LRRK2: variants seen among roughly 807,000 people sequenced by gnomAD.
LRRK2 encodes leucine-rich repeat serine/threonine-protein kinase 2.
LRRK2 carries 203 observed loss-of-function variants against 302.6 expected under a neutral mutation model. The observed-to-expected ratio is 0.67, with a 90% confidence interval of 0.60 to 0.75. The LOEUF (loss-of-function observed/expected upper bound fraction) is 0.75. LRRK2 is among the 30% of genes least tolerant of loss of function. The pLI is 0.00. For synonymous variants in LRRK2, 1,066 were observed against 1,031.9 expected (o/e 1.03, Z -0.63); for missense variants, 2,830 against 2,951.0 (o/e 0.96, Z 0.95).
chr12:40,257,808 G>A (rs1205571562), intron 12 of LRRK2, among the ~76,000 whole-genome samples: 1 of 152,222 alleles, frequency 6.6e-6, no homozygotes, highest in East Asian at 1.9e-4. Flanking sequence ...TCCTTAGTTA[G>A]GGAAAATTTT....
At chr12:40,225,854 G>T (rs569380771) in intron 2 of LRRK2, among the ~76,000 whole-genome samples, 1 of 152,148 alleles carries the variant, frequency 6.6e-6, no homozygotes, top group Non-Finnish European at 1.5e-5. Context: ...GTGTCTTTAA[G>T]AAGTAACTTT....
intron 35 of LRRK2, 23 bp from the exon 36 acceptor site, chr12:40,322,012 T>C (rs1439655789): frequency 1.9e-6 from 3 of 1,612,652 alleles, no homozygotes; most frequent in Middle Eastern, 1.7e-4. Context: ...AAGCAGTTAA[T>C]AATTAATGGC....
chr12:40,347,025 CA>C (rs1946208103), intron 42 of LRRK2, 102 bp downstream of exon 42: 2 of 877,516 alleles, frequency 2.3e-6, no homozygotes, highest in Admixed American at 3.9e-5. Context: ...AACAGATGAT[CA>C]TTTTTTTTGT....
At chr12:40,259,393 C>T in intron 12 of LRRK2, 87 bp from the exon 13 acceptor site, 1 of 1,515,954 alleles carries the variant, frequency 6.6e-7, no homozygotes, top group Middle Eastern at 1.7e-4. Context: ...TATATTGGTT[C>T]TGCCCTCCTG....
chr12:40,275,715 A>G (rs868306130), intron 16 of LRRK2, among the ~76,000 whole-genome samples: 3 of 151,394 alleles, frequency 2.0e-5, no homozygotes, highest in Admixed American at 6.6e-5. Context: ...AGCTCAAGTG[A>G]TTCTCTTGCC....
chr12:40,290,687 T>G (rs1356661314), intron 20 of LRRK2, among the ~76,000 whole-genome samples: 1 of 152,134 alleles, frequency 6.6e-6, no homozygotes. Flanking sequence ...TAATGTTACT[T>G]ATAGCAATTA....
intron 3 of LRRK2, chr12:40,232,772 GT>G (rs1300895138): frequency 6.0e-6 from 1 of 166,460 alleles, no homozygotes; most frequent in Non-Finnish European, 1.3e-5. Context: ...TCTGTAAGTA[GT>G]AATTTGAAAG....
At chr12:40,312,300 GAAAAGTATATATTGC>G (rs1435965203) in intron 31 of LRRK2, among the ~76,000 whole-genome samples, 1 of 152,118 alleles carries the variant, frequency 6.6e-6, no homozygotes, top group Non-Finnish European at 1.5e-5. Context: ...ATTATTGAAA[GAAAAGTATATATTGC>G]TAATGGATGC....
intron 4 of LRRK2, 23 bp downstream of exon 4, chr12:40,235,737 G>A (rs1476214845): frequency 7.3e-7 from 1 of 1,375,450 alleles, no homozygotes; most frequent in Non-Finnish European, 1.0e-6. Flanking sequence ...TATGTTTTTT[G>A]TGTTGATTCA....
At position 40,235,622 on chromosome 12, in the gene LRRK2, C is replaced by G; in HGVS notation, c.348-4C>G. The G allele has an allele frequency of 6.3e-7, 1 of 1,585,668 alleles. No homozygotes were observed. The highest frequency in any genetic ancestry group is 8.7e-7 in the Non-Finnish European group (1 of 1,154,372). Reference sequence around the variant, plus strand: ...CTTATCTTGATTTCTGTTTTTAACTCCAGATTGATTCTTAAAATGCTAACA... The same window carrying G: ...CTTATCTTGATTTCTGTTTTTAACTGCAGATTGATTCTTAAAATGCTAACA... On this transcript the variant is annotated splice_polypyrimidine_tract_variant and splice_region_variant and intron_variant, in intron 3 of 50. Transcript: ENST00000298910.
chr12:40,294,520 G>T (rs943558444), intron 21 of LRRK2, among the ~76,000 whole-genome samples: 2 of 151,976 alleles, frequency 1.3e-5, no homozygotes, highest in African/African-American at 4.8e-5. Flanking sequence ...ATGCTCTTTC[G>T]AATTTATATA....
intron 7 of LRRK2, among the ~76,000 whole-genome samples, chr12:40,247,669 TAAA>T (rs1942063676): frequency 7.6e-4 from 62 of 81,562 alleles, no homozygotes; most frequent in African/African-American, 1.3e-3. Flanking sequence ...TATACAAATA[TAAA>T]TATATACATT....
Position 40,298,360 on chromosome 12 carries a change from C to T in LRRK2, c.3214C>T (p.Pro1072Ser), listed in dbSNP as rs1944461971. Residue 1072 changes from proline to serine, a missense_variant, in exon 24 of 51, where the codon CCC becomes TCC. Coordinates refer to ENST00000298910, the MANE Select transcript of LRRK2 (RefSeq NM_198578.4). The part of the protein sequence containing the change: ...NLDVSRNDIG[P>S]SVVLDPTVKC... ...TGATGTCTCTCGAAATGACATTGGA[C>T]CCTCAGTGGTTTTAGATCCTACAGT... The T allele has an allele frequency of 6.2e-7, 1 of 1,613,680 alleles. No homozygotes were observed. The highest frequency in any genetic ancestry group is 1.7e-5 in the Admixed American group (1 of 59,950).
chr12:40,266,248 A>G (rs1167123704), intron 14 of LRRK2, among the ~76,000 whole-genome samples: 1 of 151,916 alleles, frequency 6.6e-6, no homozygotes, highest in Non-Finnish European at 1.5e-5. Context: ...TTTGCAATCT[A>G]CTCATCTGAC....
At chr12:40,335,481 A>G (rs1320951547) in intron 40 of LRRK2, among the ~76,000 whole-genome samples, 10 of 152,220 alleles carry the variant, frequency 6.6e-5, no homozygotes, top group Admixed American at 2.6e-4. Context: ...TGTCAATTAC[A>G]TGATTCCAAT....
chr12:40,279,183 A>T (rs1156504393), intron 18 of LRRK2, among the ~76,000 whole-genome samples: 1 of 82,424 alleles, frequency 1.2e-5, no homozygotes, highest in Non-Finnish European at 3.1e-5. Context: ...ACACATTATT[A>T]AATAATCAAT....
chr12:40,320,341 T>C (rs181140323), intron 34 of LRRK2, among the ~76,000 whole-genome samples, 166 bp downstream of exon 34: 43 of 152,210 alleles, frequency 2.8e-4, no homozygotes, highest in African/African-American at 9.9e-4. Context: ...GAATAAAACA[T>C]TGCATCTGAC....
chr12:40,273,634 C>G lies in LRRK2; in HGVS notation c.1657-949C>G, dbSNP rs79117222. ...TTGGATTATCTGTGGTGGAGGCCAT[C>G]ACGTCTTTGGAGTGGAGGTACCATG... is the stretch of plus-strand genomic sequence containing the variant. On this transcript the variant is annotated intron_variant, in intron 14 of 50. Coordinates refer to ENST00000298910, the MANE Select transcript of LRRK2 (RefSeq NM_198578.4). 6.2e-4 allele frequency among the ~76,000 whole-genome samples: 94 copies of G among 152,256 alleles called. No individual in the cohort carries two copies. The East Asian group carries it at 0.017, about 28-fold the overall frequency.
chr12:40,354,469 T>C lies in LRRK2; in HGVS notation c.6747T>C (p.Tyr2249=). ...EKMTDSVTCL[Y]CNSFSKQSKQ... The stretch of plus-strand genomic sequence containing the variant: ...TGACTGATTCTGTCACTTGTTTGTA[T>C]TGCAATTCCTTTTCCAAGCAAAGGT... Residue 2249 remains tyrosine, a synonymous_variant, in exon 45 of 51, where the codon TAT becomes TAC. Coordinates refer to ENST00000298910, the MANE Select transcript of LRRK2 (RefSeq NM_198578.4). The C allele has an allele frequency of 6.2e-7, 1 of 1,614,122 alleles. No homozygotes were observed. Among genetic ancestry groups the C allele is most frequent in the Non-Finnish European group, 8.5e-7 (1 of 1,179,998 alleles).
Sources: allele counts gnomAD v4.1 joint callset (sites outside exome capture counted in the v4.1 genomes callset), GRCh38; gene constraint gnomAD v4.1.1; transcripts MANE v1.5; gene names NCBI Gene and HGNC (gene_info 2026-07-23, HGNC 2026-07-21).